The following DYTN variants were observed in gnomAD, a reference collection of about 807,000 sequenced individuals.
DYTN encodes the protein dystrotelin.
In DYTN, 75 loss-of-function variants were observed where a neutral mutation model predicts 69.6. The observed-to-expected ratio is 1.08, with a 90% confidence interval of 0.89 to 1.31. The LOEUF (loss-of-function observed/expected upper bound fraction) is 1.31, where lower values mean the gene tolerates loss of function less well. DYTN is among the 50% of genes most tolerant of loss of function. The pLI is 0.00. For missense variants in DYTN, 726 were observed against 688.4 expected, an observed-to-expected ratio of 1.05 and a Z score of -0.61; for synonymous variants, 252 against 249.1, an observed-to-expected ratio of 1.01 and a Z score of -0.11.
chr2:206,655,486 C>T (rs1053264321), intron 11 of DYTN, among the ~76,000 whole-genome samples: 3 of 151,966 alleles, frequency 2.0e-5, no homozygotes, highest in South Asian at 4.1e-4. Flanking sequence ...CACAGCTCAC[C>T]GAAGCCTTGA....
chr2:206,708,009 A>G (rs1700044146), intron 2 of DYTN, among the ~76,000 whole-genome samples: 1 of 152,230 alleles, frequency 6.6e-6, no homozygotes, highest in Non-Finnish European at 1.5e-5. Flanking sequence ...AGTGATCTTC[A>G]TAAAAGAGCA....
At chr2:206,681,686 T>C (rs1367073032) in intron 9 of DYTN, among the ~76,000 whole-genome samples, 1 of 152,162 alleles carries the variant, frequency 6.6e-6, no homozygotes, top group African/African-American at 2.4e-5. Context: ...GTTTATTGCT[T>C]TGTGTATGTT....
chr2:206,657,382 A>G (rs1166792238), intron 11 of DYTN, among the ~76,000 whole-genome samples: 1 of 152,184 alleles, frequency 6.6e-6, no homozygotes, highest in East Asian at 1.9e-4. Context: ...AGCTTCAATC[A>G]GTTCCCTGAC....
intron 1 of DYTN, among the ~76,000 whole-genome samples, chr2:206,715,952 G>A (rs1700125754): frequency 6.6e-6 from 1 of 152,262 alleles, no homozygotes; most frequent in South Asian, 2.1e-4. Flanking sequence ...GCTGGGTGTG[G>A]TGGTGCGTGC....
chr2:206,718,381 G>C lies in DYTN; in HGVS notation c.-102C>G, dbSNP rs949879056. 50 of 1,317,714 alleles carry C rather than the reference G, an allele frequency of 3.8e-5. No homozygotes were observed. Among genetic ancestry groups the C allele is most frequent in the Non-Finnish European group, 4.9e-5 (47 of 963,916 alleles). The allele number at this position is 1,317,714 out of a possible 1,614,324, so 81.6% of individuals were successfully genotyped here. The stretch of plus-strand genomic sequence containing the variant: ...TTTTGCAGCAGAGGAATGAGGACAG[G>C]GGAACAAAAAGGCAACTAAACAAAT... On this transcript the variant is annotated 5_prime_UTR_variant, in exon 1 of 12. Transcript: ENST00000452335.
Position 206,666,006 on chromosome 2 carries a change from T to G in DYTN, c.1004A>C (p.Gln335Pro). The change falls in exon 10 of 12, where the codon CAA becomes CCA. Residue 335 changes from glutamine to proline, a missense_variant. Coordinates refer to ENST00000452335, the MANE Select transcript of DYTN (RefSeq NM_001093730.1). Reference protein sequence around the residue: ...QARLLKKQLNQYKDKLQAIYT... With the variant: ...QARLLKKQLNPYKDKLQAIYT... ...TATAGCTTGCAACTTGTCTTTGTAT[T>G]GGTTTAACTGTTTTTTAAGGAGCCT... 6.2e-7 allele frequency: 1 copy of G among 1,613,848 alleles called. No individual in the cohort carries two copies. Among genetic ancestry groups the G allele is most frequent in the Non-Finnish European group, 8.5e-7 (1 of 1,179,820 alleles).
At chr2:206,652,488 C>A (rs1308738372) in intron 11 of DYTN, among the ~76,000 whole-genome samples, 1 of 152,070 alleles carries the variant, frequency 6.6e-6, no homozygotes, top group Non-Finnish European at 1.5e-5. Context: ...TATGCATAAT[C>A]TTTAACTTAA....
chr2:206,656,683 C>G (rs962832185), intron 11 of DYTN, among the ~76,000 whole-genome samples: 1 of 150,070 alleles, frequency 6.7e-6, no homozygotes, highest in African/African-American at 2.4e-5. Context: ...TAATAACAGC[C>G]TATTTTGGCT....
At chr2:206,665,581 T>A (rs76143149) in intron 10 of DYTN, among the ~76,000 whole-genome samples, 4,759 of 152,300 alleles carry the variant, frequency 0.031, 106 homozygotes, top group Middle Eastern at 0.061. Flanking sequence ...TTTTTAAGAA[T>A]GTACAGGGAT....
At chr2:206,706,651 T>G (rs1411403494) in intron 3 of DYTN, among the ~76,000 whole-genome samples, 1 of 152,162 alleles carries the variant, frequency 6.6e-6, no homozygotes, top group Non-Finnish European at 1.5e-5. Flanking sequence ...TTCACTATGA[T>G]TTTTGAAAAG....
chr2:206,694,612 A>T (rs1699899997), intron 8 of DYTN, among the ~76,000 whole-genome samples, 154 bp downstream of exon 8: 1 of 152,220 alleles, frequency 6.6e-6, no homozygotes, highest in African/African-American at 2.4e-5. Flanking sequence ...GTTGGGAGAT[A>T]TTCAAGGTGG....
At chr2:206,663,871 A>T (rs1699540324) in intron 10 of DYTN, among the ~76,000 whole-genome samples, 2 of 152,216 alleles carry the variant, frequency 1.3e-5, no homozygotes, top group Admixed American at 1.3e-4. Context: ...ACCCTAGGAG[A>T]TCCCCAAGAC....
chr2:206,662,420 G>C (rs1033133978), intron 11 of DYTN, among the ~76,000 whole-genome samples: 2 of 152,056 alleles, frequency 1.3e-5, no homozygotes, highest in Non-Finnish European at 1.5e-5. Context: ...CTACAGTAAA[G>C]AAGGATCTTA....
At chr2:206,713,592 T>G (rs1234389627) in intron 1 of DYTN, among the ~76,000 whole-genome samples, 1 of 152,190 alleles carries the variant, frequency 6.6e-6, no homozygotes, top group African/African-American at 2.4e-5. Context: ...TTCACACATT[T>G]AGAGTTAGGA....
At chr2:206,713,010 G>A (rs368895068) in intron 1 of DYTN, among the ~76,000 whole-genome samples, 1 of 152,228 alleles carries the variant, frequency 6.6e-6, no homozygotes, top group East Asian at 1.9e-4. Context: ...ACACACAAGG[G>A]TGAGCAGAGA....
In DYTN at chr2:206,707,344, G is replaced by C. The variant is rs1280964986; in HGVS notation, c.254C>G (p.Ala85Gly). 6.2e-7 allele frequency: 1 copy of C among 1,612,568 alleles called. No homozygotes were observed. The highest frequency in any genetic ancestry group is 2.2e-5 in the East Asian group (1 of 44,840). Residue 85 changes from alanine to glycine, a missense_variant, in exon 3 of 12, where the codon GCT becomes GGT. Transcript: ENST00000452335. ...EENPGQVHPRAPELTLSLLTT... is the reference protein window; with the variant it reads ...EENPGQVHPRGPELTLSLLTT... ...GAGAAGGCTCAGAGTGAGTTCCGGAGCTCTGGGATGCACTTGTCCTGGGTT... is the reference window on the plus strand; with the variant it reads ...GAGAAGGCTCAGAGTGAGTTCCGGACCTCTGGGATGCACTTGTCCTGGGTT...
intron 10 of DYTN, 146 bp downstream of exon 10, chr2:206,665,724 A>T: frequency 1.1e-6 from 1 of 875,148 alleles, no homozygotes; most frequent in Non-Finnish European, 1.7e-6. Context: ...TATAGCCTGG[A>T]TGAGGAAATG....
At chr2:206,672,602 G>A (rs920073626) in intron 9 of DYTN, among the ~76,000 whole-genome samples, 1 of 152,146 alleles carries the variant, frequency 6.6e-6, no homozygotes, top group Non-Finnish European at 1.5e-5. Flanking sequence ...ATCACACACA[G>A]GTGGCCACTT....
At chr2:206,666,088 A>G in intron 9 of DYTN, 59 bp from the exon 10 acceptor site, 2 of 1,572,380 alleles carry the variant, frequency 1.3e-6, no homozygotes, top group Non-Finnish European at 8.6e-7. Flanking sequence ...CACTAATTAG[A>G]GCCCTGGTAA....
Sources: allele counts gnomAD v4.1 joint callset (sites outside exome capture counted in the v4.1 genomes callset), GRCh38; gene constraint gnomAD v4.1.1; transcripts MANE v1.5; gene names NCBI Gene and HGNC (gene_info 2026-07-23, HGNC 2026-07-21).